Variants in ALDH18A1 observed in about 807,000 individuals in gnomAD.
The protein encoded by ALDH18A1 is delta-1-pyrroline-5-carboxylate synthase.
In ALDH18A1, 44 loss-of-function variants were observed where a neutral mutation model predicts 88.8. The observed-to-expected ratio is 0.50, with a 90% confidence interval of 0.39 to 0.64. ALDH18A1 has a LOEUF of 0.64. ALDH18A1 is among the 30% of genes least tolerant of loss of function. ALDH18A1 has a pLI of 0.00. For missense variants in ALDH18A1, 782 were observed against 1,009.5 expected (o/e 0.77, Z 3.05); for synonymous variants, 331 against 372.1 (o/e 0.89, Z 1.27).
intron 13 of ALDH18A1, among the ~76,000 whole-genome samples, chr10:95,615,691 G>A (rs539836512): frequency 6.6e-6 from 1 of 152,272 alleles, no homozygotes; most frequent in South Asian, 2.1e-4. Flanking sequence ...TCTGGTCACT[G>A]AGTGTGTAAT....
intron 2 of ALDH18A1, among the ~76,000 whole-genome samples, chr10:95,652,333 G>A (rs2097911648): frequency 6.6e-6 from 1 of 152,138 alleles, no homozygotes; most frequent in East Asian, 1.9e-4. Flanking sequence ...GGTGAAATTG[G>A]GTAAAGGGTA....
rs997303943 is a variant in ALDH18A1, at chr10:95,633,151, A to G, written c.718-102T>C. 5.5e-6 allele frequency: 6 copies of G among 1,095,962 alleles called. No homozygotes were observed. The East Asian group carries it at 1.5e-4, about 27-fold the overall frequency. The allele number at this position is 1,095,962 out of a possible 1,614,324, so 67.9% of individuals were successfully genotyped here. On this transcript the variant is annotated intron_variant, in intron 6 of 17. Coordinates refer to ENST00000371224, the MANE Select transcript of ALDH18A1 (RefSeq NM_002860.4). ...GCTCAGGCAAAACCAAGCTAGGATCAGGCAAAACCAATGAACCCAAATATG... is the reference window on the plus strand; with the variant it reads ...GCTCAGGCAAAACCAAGCTAGGATCGGGCAAAACCAATGAACCCAAATATG...
chr10:95,611,625 G>A (rs569694299), intron 15 of ALDH18A1, among the ~76,000 whole-genome samples, 183 bp from the exon 16 acceptor site: 5 of 152,292 alleles, frequency 3.3e-5, no homozygotes, highest in African/African-American at 1.2e-4. Flanking sequence ...CCAGCAATGG[G>A]CCCTCAAGAC....
chr10:95,608,196 C>T (rs557151351), intron 17 of ALDH18A1, among the ~76,000 whole-genome samples: 1 of 152,306 alleles, frequency 6.6e-6, no homozygotes, highest in South Asian at 2.1e-4. Context: ...GTTGGAAGGA[C>T]AATGAAATGA....
At chr10:95,625,317 T>C in intron 11 of ALDH18A1, 45 bp downstream of exon 11, 1 of 1,530,760 alleles carries the variant, frequency 6.5e-7, no homozygotes, top group South Asian at 1.1e-5. Flanking sequence ...ACCAAAATAA[T>C]GCACACCCCT....
At chr10:95,615,338 CA>C (rs71913331) in intron 13 of ALDH18A1, among the ~76,000 whole-genome samples, 43,789 of 123,274 alleles carry the variant, frequency 0.36, 7,324 homozygotes, top group Admixed American at 0.45. Context: ...GACCATGTCT[CA>C]AAAAAAAAAA....
At chr10:95,632,532 T>G (rs1487139209) in intron 7 of ALDH18A1, among the ~76,000 whole-genome samples, 1 of 152,180 alleles carries the variant, frequency 6.6e-6, no homozygotes, top group Non-Finnish European at 1.5e-5. Flanking sequence ...TCCAGCTGAC[T>G]TTTCTATTTT....
chr10:95,627,732 AAC>A (rs1429709509), intron 8 of ALDH18A1, 146 bp from the exon 9 acceptor site: 5 of 1,048,636 alleles, frequency 4.8e-6, no homozygotes, highest in Middle Eastern at 2.3e-4. Flanking sequence ...AAGCTCTGAA[AAC>A]ACATAACAGT....
chr10:95,635,858 A>G (rs567067022), intron 5 of ALDH18A1, among the ~76,000 whole-genome samples: 1 of 152,334 alleles, frequency 6.6e-6, no homozygotes, highest in South Asian at 2.1e-4. Context: ...GCAAAACCAT[A>G]GCTCCCTGAC....
At chr10:95,641,571 C>A (rs1325944088) in intron 3 of ALDH18A1, among the ~76,000 whole-genome samples, 6 of 151,232 alleles carry the variant, frequency 4.0e-5, no homozygotes, top group South Asian at 2.1e-4. Context: ...TGTAGTGCAG[C>A]GACTTTATCA....
intron 1 of ALDH18A1, among the ~76,000 whole-genome samples, chr10:95,655,286 T>C (rs576043083): frequency 1.3e-5 from 2 of 152,118 alleles, no homozygotes; most frequent in Non-Finnish European, 2.9e-5. Context: ...CTCATGAAAT[T>C]ATAGTGAGAA....
intron 2 of ALDH18A1, among the ~76,000 whole-genome samples, chr10:95,649,619 T>G (rs1215173109): frequency 2.0e-5 from 3 of 152,046 alleles, no homozygotes; most frequent in Non-Finnish European, 4.4e-5. Flanking sequence ...CCTCCCAAAG[T>G]GCTGGGATTA....
chr10:95,637,685 T>C (rs1292008849), intron 3 of ALDH18A1, among the ~76,000 whole-genome samples: 1 of 152,120 alleles, frequency 6.6e-6, no homozygotes, highest in African/African-American at 2.4e-5. Context: ...ATTAAAACAA[T>C]TGGCTGGGCA....
In ALDH18A1 at chr10:95,633,562, C is replaced by A; in HGVS notation, c.646G>T (p.Val216Phe). 6 of 1,614,114 alleles carry A rather than the reference C, an allele frequency of 3.7e-6. No homozygotes were observed. The highest frequency in any genetic ancestry group is 1.1e-5 in the South Asian group (1 of 91,078). ...TLHELLRMNI[V>F]PIVNTNDAVV... ...GCATCATTTGTGTTGACAATGGGGA[C>A]AATGTTCATTCTAAGGAGTTCATGA... Residue 216 changes from valine (V) to phenylalanine (F), a missense_variant, in exon 6 of 18, where the codon GTC (valine) becomes TTC (phenylalanine). By Grantham distance (50) the Val-to-Phe change is conservative. Coordinates refer to ENST00000371224, the MANE Select transcript of ALDH18A1 (RefSeq NM_002860.4).
chr10:95,640,129 G>A (rs990155463), intron 3 of ALDH18A1, among the ~76,000 whole-genome samples: 19 of 152,122 alleles, frequency 1.2e-4, no homozygotes, highest in African/African-American at 4.6e-4. Context: ...AATTCCAAAA[G>A]GGAAACTCTC....
At chr10:95,624,388 T>C (rs1235090560) in intron 11 of ALDH18A1, among the ~76,000 whole-genome samples, 2 of 152,190 alleles carry the variant, frequency 1.3e-5, no homozygotes. Context: ...GTATCAAAGA[T>C]TTCTTCCAGT....
chr10:95,641,520 C>CG (rs1175444616), intron 3 of ALDH18A1, among the ~76,000 whole-genome samples: 12 of 7,402 alleles, frequency 1.6e-3, no homozygotes, highest in South Asian at 4.3e-3. Flanking sequence ...TCTGCAGGGG[C>CG]GGGTGGGGGG....
chr10:95,633,721 T>TA, intron 5 of ALDH18A1, 72 bp from the exon 6 acceptor site: 1 of 1,535,564 alleles, frequency 6.5e-7, no homozygotes, highest in South Asian at 1.1e-5. Flanking sequence ...CAAAAGACGC[T>TA]AAGAGCAGGG....
intron 3 of ALDH18A1, among the ~76,000 whole-genome samples, chr10:95,638,936 A>C (rs978988564): frequency 1.3e-5 from 2 of 151,976 alleles, no homozygotes; most frequent in Non-Finnish European, 2.9e-5. Flanking sequence ...ACAGTGGCAC[A>C]ATCATGGCTC....
Sources: allele counts gnomAD v4.1 joint callset (sites outside exome capture counted in the v4.1 genomes callset), GRCh38; gene constraint gnomAD v4.1.1; transcripts MANE v1.5; gene names NCBI Gene and HGNC (gene_info 2026-07-23, HGNC 2026-07-21).